Variants in STK31 observed in about 807,000 individuals in gnomAD.
The protein encoded by STK31 is serine/threonine kinase 31, also known as serine/threonine-protein kinase 31.
Under a neutral mutation model 129.7 loss-of-function variants are expected in STK31, and 89 were observed. The ratio of observed to expected loss-of-function variants is 0.69; its 90% CI spans 0.58 to 0.82. The LOEUF is 0.82. Among genes scored for constraint, STK31 ranks in the 40% least tolerant of loss-of-function variants. The pLI is 0.00. For synonymous variants in STK31, 448 were observed against 395.3 expected, an observed-to-expected ratio of 1.13 and a Z score of -1.58; for missense variants, 1,187 against 1,176.4, an observed-to-expected ratio of 1.01 and a Z score of -0.13.
rs201160478 is a variant in STK31, at chr7:23,730,856, T to TTA, written c.483+1629_483+1630dup. On this transcript the variant is annotated intron_variant, in intron 6 of 23. Transcript: ENST00000355870. ...TATATATGGTACTGTATATAAACATTTATATATATATATATATATATATTT... is the reference window on the plus strand; with the variant it reads ...TATATATGGTACTGTATATAAACATTTATATATATATATATATATATATATTT... 4.0e-3 allele frequency among the ~76,000 whole-genome samples: 304 copies of TTA among 75,220 alleles called. 14 individuals carry two copies. Among genetic ancestry groups the TTA allele is most frequent in the African/African-American group, 0.013 (252 of 19,930 alleles). 49.3% of individuals were successfully genotyped at this position (75,220 alleles called of 152,430 possible). A position where few individuals can be genotyped will look rare whatever the true frequency, so the allele number is the denominator to read the frequency against.
chr7:23,723,849 C>T (rs1011221821), intron 4 of STK31, among the ~76,000 whole-genome samples: 2 of 152,140 alleles, frequency 1.3e-5, no homozygotes, highest in Non-Finnish European at 2.9e-5. Flanking sequence ...TTGTTGAGTA[C>T]TGTTATACCT....
intron 8 of STK31, among the ~76,000 whole-genome samples, chr7:23,749,170 T>C (rs1213445569): frequency 6.6e-6 from 1 of 152,226 alleles, no homozygotes; most frequent in Non-Finnish European, 1.5e-5. Flanking sequence ...TGTTACTACA[T>C]GCTATCTACT....
intron 14 of STK31, 81 bp from the exon 15 acceptor site, chr7:23,772,064 CTT>C: frequency 9.3e-7 from 1 of 1,078,284 alleles, no homozygotes; most frequent in Non-Finnish European, 1.3e-6. Context: ...CTAGTTGAAT[CTT>C]AACAGAGAAA....
Position 23,727,287 on chromosome 7 carries a change from A to G in STK31, c.296A>G (p.Lys99Arg). Residue 99 changes from lysine (K) to arginine (R), a missense_variant, in exon 5 of 24, where the codon AAA (lysine) becomes AGA (arginine). Lys to Arg is a conservative substitution (Grantham distance 26). Transcript: ENST00000355870. ...FSEDQCWYRC[K>R]VLKIISVEKC... ...GAAGATCAGTGTTGGTACAGATGCAAAGTACTGAAAATCATCAGCGTTGAA... is the reference window on the plus strand; with the variant it reads ...GAAGATCAGTGTTGGTACAGATGCAGAGTACTGAAAATCATCAGCGTTGAA... 1 of 1,613,620 alleles carries G rather than the reference A, an allele frequency of 6.2e-7. No homozygotes were observed. The highest frequency in any genetic ancestry group is 8.5e-7 in the Non-Finnish European group (1 of 1,179,784).
chr7:23,820,882 C>T (rs1793751103), intron 23 of STK31, among the ~76,000 whole-genome samples: 1 of 152,156 alleles, frequency 6.6e-6, no homozygotes, highest in African/African-American at 2.4e-5. Flanking sequence ...CAGTATTCCA[C>T]ATTTTCTTTA....
At position 23,822,404 on chromosome 7, in the gene STK31, T is replaced by C. The variant is rs559471477; in HGVS notation, c.2829+7192T>C. Among the ~76,000 whole-genome samples the C allele has an allele frequency of 3.9e-5, 6 of 152,238 alleles. No individual in the cohort carries two copies. The South Asian group carries it at 1.2e-3, about 32-fold the overall frequency. ...ATATTTATTTTGTAGCTGTTGTAAA[T>C]GGGATTACTTTCTTGATGTCTTTCT... is the stretch of plus-strand genomic sequence containing the variant. On this transcript the variant is annotated intron_variant, in intron 23 of 23. Coordinates refer to ENST00000355870, the MANE Select transcript of STK31 (RefSeq NM_031414.5).
At chr7:23,831,269 A>G (rs1257395699) in intron 23 of STK31, among the ~76,000 whole-genome samples, 1 of 152,150 alleles carries the variant, frequency 6.6e-6, no homozygotes, top group Non-Finnish European at 1.5e-5. Flanking sequence ...TATTTGATTT[A>G]TATATCTGGG....
At chr7:23,784,649 T>G (rs1171906743) in intron 17 of STK31, among the ~76,000 whole-genome samples, 1 of 152,150 alleles carries the variant, frequency 6.6e-6, no homozygotes, top group Non-Finnish European at 1.5e-5. Context: ...GTAGGTTGAT[T>G]ATGTATTGTA....
intron 22 of STK31, 35 bp from the exon 23 acceptor site, chr7:23,815,109 A>T: frequency 6.6e-7 from 1 of 1,517,086 alleles, no homozygotes; most frequent in East Asian, 2.3e-5. Context: ...GTATTAATAC[A>T]TTGGACATTT....
chr7:23,748,114 T>G (rs745308547), intron 8 of STK31, among the ~76,000 whole-genome samples: 46 of 152,242 alleles, frequency 3.0e-4, no homozygotes, highest in Non-Finnish European at 2.9e-5. Context: ...GTCAATGCAC[T>G]GCCTGTGCTG....
chr7:23,828,724 C>T (rs1794347680), intron 23 of STK31, among the ~76,000 whole-genome samples: 2 of 152,280 alleles, frequency 1.3e-5, no homozygotes, highest in South Asian at 2.1e-4. Context: ...TCCTATTCGG[C>T]CATCTTGGCT....
At chr7:23,785,954 T>G (rs1272906642) in intron 18 of STK31, among the ~76,000 whole-genome samples, 1 of 152,140 alleles carries the variant, frequency 6.6e-6, no homozygotes, top group Non-Finnish European at 1.5e-5. Context: ...GTAACAAACC[T>G]GCACGTTGTG....
At chr7:23,826,427 C>CT (rs896112327) in intron 23 of STK31, among the ~76,000 whole-genome samples, 11 of 151,742 alleles carry the variant, frequency 7.2e-5, no homozygotes, top group African/African-American at 2.7e-4. Context: ...CAACCCCTGC[C>CT]TTTTTTTGTT....
intron 4 of STK31, among the ~76,000 whole-genome samples, chr7:23,725,372 CAAAAAAAA>C (rs57280021): frequency 1.7e-5 from 1 of 57,760 alleles, no homozygotes; most frequent in African/African-American, 7.5e-5. Flanking sequence ...CCTGTTTCTA[CAAAAAAAA>C]AAAAAAAAAA....
At chr7:23,799,169 C>T (rs369093959) in intron 22 of STK31, among the ~76,000 whole-genome samples, 1 of 152,176 alleles carries the variant, frequency 6.6e-6, no homozygotes, top group Non-Finnish European at 1.5e-5. Flanking sequence ...CCATACTACT[C>T]AAAGTAATAT....
chr7:23,739,323 G>T (rs187683506), intron 8 of STK31, among the ~76,000 whole-genome samples: 2,346 of 152,144 alleles, frequency 0.015, 28 homozygotes, highest in Non-Finnish European at 0.024. Flanking sequence ...TGATGGTGTT[G>T]TTTTTTTCTT....
At chr7:23,824,965 G>A (rs371270645) in intron 23 of STK31, among the ~76,000 whole-genome samples, 23 of 152,100 alleles carry the variant, frequency 1.5e-4, no homozygotes, top group Non-Finnish European at 3.1e-4. Flanking sequence ...ATCATGGTGG[G>A]TAAGCTTTTT....
chr7:23,811,807 A>G (rs1370967706), intron 22 of STK31: 1 of 152,352 alleles, frequency 6.6e-6, no homozygotes, highest in East Asian at 1.9e-4. Context: ...GTATTACAAT[A>G]TACATATGTG....
intron 15 of STK31, among the ~76,000 whole-genome samples, chr7:23,780,338 T>C (rs1250790028): frequency 6.6e-6 from 1 of 152,196 alleles, no homozygotes; most frequent in Non-Finnish European, 1.5e-5. Flanking sequence ...AACCAAACTA[T>C]CTGAGGCAGG....
Sources: gnomAD v4.1 joint callset for allele counts (sites outside exome capture counted in the v4.1 genomes callset) on GRCh38, gnomAD v4.1.1 for gene constraint, MANE v1.5 for transcripts, NCBI Gene and HGNC (gene_info 2026-07-23, HGNC 2026-07-21) for gene names.